Variants in CAMK2D observed in about 807,000 individuals in gnomAD.
CAMK2D encodes the protein calcium/calmodulin-dependent protein kinase type II subunit delta.
Under a neutral mutation model 84.0 loss-of-function variants are expected in CAMK2D, and 37 were observed. The observed-to-expected ratio is 0.44, with a 90% CI of 0.34 to 0.58. CAMK2D has a LOEUF of 0.58. Among genes scored for constraint, CAMK2D ranks in the 20% least tolerant of loss-of-function variants. The pLI is 0.02. For synonymous variants in CAMK2D, 202 were observed against 212.5 expected, an observed-to-expected ratio of 0.95 and a Z score of 0.43; for missense variants, 448 against 652.5, an observed-to-expected ratio of 0.69 and a Z score of 3.41.
intron 3 of CAMK2D, among the ~76,000 whole-genome samples, chr4:113,615,738 C>T (rs1010471315): frequency 3.3e-5 from 5 of 151,946 alleles, no homozygotes; most frequent in Admixed American, 2.6e-4. Flanking sequence ...GGTATAGATA[C>T]ATATTAATTT....
chr4:113,692,779 CTG>C (rs554140162), intron 2 of CAMK2D, among the ~76,000 whole-genome samples: 3 of 151,030 alleles, frequency 2.0e-5, no homozygotes, highest in African/African-American at 7.3e-5. Context: ...GTGTATATAT[CTG>C]TGTGTGTGTG....
chr4:113,634,255 C>T (rs946669318), intron 3 of CAMK2D, among the ~76,000 whole-genome samples: 1 of 152,162 alleles, frequency 6.6e-6, no homozygotes, highest in Non-Finnish European at 1.5e-5. Flanking sequence ...AGTTTTGAAT[C>T]ATTCATAGCC....
chr4:113,502,861 G>T, intron 15 of CAMK2D, 75 bp downstream of exon 15: 1 of 1,030,602 alleles, frequency 9.7e-7, no homozygotes, highest in Non-Finnish European at 1.5e-6. Context: ...TTTAGATAAC[G>T]AATTAATTTT....
At chr4:113,510,913 T>G (rs1261318000) in intron 12 of CAMK2D, among the ~76,000 whole-genome samples, 1 of 152,172 alleles carries the variant, frequency 6.6e-6, no homozygotes. Context: ...ATAGTTGCCT[T>G]AGCCATTATA....
At chr4:113,540,845 T>G (rs1030161550) in intron 6 of CAMK2D, among the ~76,000 whole-genome samples, 1 of 152,176 alleles carries the variant, frequency 6.6e-6, no homozygotes. Context: ...ACTCTTTATA[T>G]ATTGAGAGGA....
intron 2 of CAMK2D, among the ~76,000 whole-genome samples, chr4:113,703,216 CAG>C (rs2099428480): frequency 6.6e-6 from 1 of 152,086 alleles, no homozygotes; most frequent in Non-Finnish European, 1.5e-5. Flanking sequence ...GTCGAGGGTT[CAG>C]TGAGTGATAC....
chr4:113,537,006 C>A (rs1442624545), intron 7 of CAMK2D, among the ~76,000 whole-genome samples: 1 of 152,118 alleles, frequency 6.6e-6, no homozygotes, highest in African/African-American at 2.4e-5. Context: ...TGTATGCAAA[C>A]AATCAACTTT....
chr4:113,623,350 AATG>A (rs1485720031), intron 3 of CAMK2D, among the ~76,000 whole-genome samples: 7 of 152,160 alleles, frequency 4.6e-5, no homozygotes, highest in African/African-American at 1.7e-4. Flanking sequence ...ACTACAGATT[AATG>A]ATGATCAATG....
intron 4 of CAMK2D, among the ~76,000 whole-genome samples, chr4:113,573,603 T>G (rs2098765194): frequency 6.6e-6 from 1 of 152,176 alleles, no homozygotes; most frequent in Non-Finnish European, 1.5e-5. Context: ...AAGTATAACC[T>G]TCAGGCATTG....
At chr4:113,682,939 T>A (rs1173220178) in intron 2 of CAMK2D, among the ~76,000 whole-genome samples, 1 of 151,976 alleles carries the variant, frequency 6.6e-6, no homozygotes, top group African/African-American at 2.4e-5. Flanking sequence ...AATAAAAGAC[T>A]CATAGTTTCA....
intron 2 of CAMK2D, among the ~76,000 whole-genome samples, chr4:113,714,315 T>A (rs749074887): frequency 3.9e-5 from 6 of 152,128 alleles, no homozygotes; most frequent in Non-Finnish European, 8.8e-5. Flanking sequence ...CACAAGTAAG[T>A]TTGGGTATCT....
chr4:113,665,286 T>C (rs1270349406), intron 2 of CAMK2D, among the ~76,000 whole-genome samples: 15 of 152,208 alleles, frequency 9.9e-5, no homozygotes, highest in Admixed American at 9.8e-4. Context: ...CTAGTTTCCA[T>C]TAAAACTAGA....
At chr4:113,561,277 C>T (rs1014135280) in intron 4 of CAMK2D, among the ~76,000 whole-genome samples, 2 of 152,146 alleles carry the variant, frequency 1.3e-5, no homozygotes, top group African/African-American at 4.8e-5. Context: ...CCCAGGAATT[C>T]AGTCTGGGCA....
chr4:113,761,108 C>A lies in CAMK2D; in HGVS notation c.-40G>T. 2 of 1,613,184 alleles carry A rather than the reference C, an allele frequency of 1.2e-6. No individual in the cohort carries two copies. Among genetic ancestry groups the A allele is most frequent in the South Asian group, 1.1e-5 (1 of 91,084 alleles). Reference sequence around the variant, plus strand: ...GTGCCCTGGCTGGGAGCGCGACGGACCAGAAGCGAGCAGACGCGCGGCTAA... The same window carrying A: ...GTGCCCTGGCTGGGAGCGCGACGGAACAGAAGCGAGCAGACGCGCGGCTAA... On this transcript the variant is annotated 5_prime_UTR_variant, in exon 1 of 21. Coordinates refer to ENST00000511664, the MANE Select transcript of CAMK2D (RefSeq NM_001321571.2).
chr4:113,628,022 T>C (rs976929779), intron 3 of CAMK2D, among the ~76,000 whole-genome samples: 15 of 152,330 alleles, frequency 9.8e-5, no homozygotes, highest in African/African-American at 3.4e-4. Flanking sequence ...TTTAATTATA[T>C]TTATCTGCTC....
At chr4:113,639,802 T>G (rs1182014411) in intron 3 of CAMK2D, among the ~76,000 whole-genome samples, 2 of 151,918 alleles carry the variant, frequency 1.3e-5, no homozygotes, top group Non-Finnish European at 2.9e-5. Flanking sequence ...GAACTCAAAA[T>G]ATAAAGGACT....
At chr4:113,686,861 TACAC>T (rs36009295) in intron 2 of CAMK2D, among the ~76,000 whole-genome samples, 21,412 of 148,572 alleles carry the variant, frequency 0.14, 1,751 homozygotes, top group East Asian at 0.4. Context: ...GGTATGTGTA[TACAC>T]ACACACACAC....
intron 15 of CAMK2D, among the ~76,000 whole-genome samples, chr4:113,502,521 CA>C (rs5861138): frequency 0.066 from 8,891 of 134,168 alleles, 556 homozygotes; most frequent in East Asian, 0.23. Flanking sequence ...TAACACTAAA[CA>C]AAAAAAAAAA....
At chr4:113,482,558 T>A (rs1232051566) in intron 16 of CAMK2D, among the ~76,000 whole-genome samples, 6 of 152,204 alleles carry the variant, frequency 3.9e-5, no homozygotes, top group African/African-American at 1.4e-4. Flanking sequence ...CTGATAGTAC[T>A]ATGGAAGTGA....
Sources: gnomAD v4.1 joint callset for allele counts (sites outside exome capture counted in the v4.1 genomes callset) on GRCh38, gnomAD v4.1.1 for gene constraint, MANE v1.5 for transcripts, NCBI Gene and HGNC (gene_info 2026-07-23, HGNC 2026-07-21) for gene names.